Variants in CHCHD2 observed in about 807,000 individuals in gnomAD.
CHCHD2 encodes coiled-coil-helix-coiled-coil-helix domain-containing protein 2.
In CHCHD2, 17 loss-of-function variants were observed where a neutral mutation model predicts 17.5. That is an observed-to-expected ratio of 0.97 (90% CI 0.67 to 1.46). The LOEUF is 1.46. Among genes scored for constraint, CHCHD2 ranks in the 40% most tolerant of loss-of-function variants. The pLI, the probability that CHCHD2 is intolerant of heterozygous loss-of-function variation, is 0.00. For synonymous variants in CHCHD2, 63 were observed against 74.3 expected, an observed-to-expected ratio of 0.85 and a Z score of 0.78; for missense variants, 175 against 199.9, an observed-to-expected ratio of 0.88 and a Z score of 0.75.
At chr7:56,104,010 TCTCCTCC>T (rs1785334793) in intron 2 of CHCHD2, among the ~76,000 whole-genome samples, 1 of 152,180 alleles carries the variant, frequency 6.6e-6, no homozygotes, top group Non-Finnish European at 1.5e-5. Flanking sequence ...CTGTTGTAAG[TCTCCTCC>T]TTGGGAAGAA....
Position 56,102,905 on chromosome 7 carries a change from C to T in CHCHD2, c.407G>A (p.Gly136Asp), listed in dbSNP as rs771587952. ...QNQGDIKLCEGFNEVLKQCRL... is the reference protein window; with the variant it reads ...QNQGDIKLCEDFNEVLKQCRL... ...GCACTGTTTCAGCACCTCATTGAAA[C>T]CCTCACAGAGCTTGATGTCACCCTG... The change falls in exon 3 of 4, where the codon GGT (glycine) becomes GAT (aspartate). Residue 136 changes from glycine (G) to aspartate (D), a missense_variant. Coordinates refer to ENST00000395422, the MANE Select transcript of CHCHD2 (RefSeq NM_016139.4). 1.2e-6 allele frequency: 2 copies of T among 1,614,066 alleles called. No homozygotes were observed. The highest frequency in any genetic ancestry group is 1.7e-6 in the Non-Finnish European group (2 of 1,179,944).
At chr7:56,106,268 C>T in intron 1 of CHCHD2, 96 bp downstream of exon 1, 1 of 1,220,158 alleles carries the variant, frequency 8.2e-7, no homozygotes. Context: ...CCGCAGCCGA[C>T]CTTAGTTCAC....
intron 3 of CHCHD2, 168 bp downstream of exon 3, chr7:56,102,699 T>G: frequency 4.3e-6 from 3 of 690,678 alleles, no homozygotes; most frequent in Admixed American, 2.9e-5. Context: ...ATTCAGAAAA[T>G]TACTCATAAA....
Position 56,102,974 on chromosome 7 carries a change from G to GGCT in CHCHD2, c.335_337dup (p.Gln112dup), listed in dbSNP as rs748437721. The GGCT allele has an allele frequency of 5.6e-6, 9 of 1,614,200 alleles. No individual in the cohort carries two copies. Among genetic ancestry groups the GGCT allele is most frequent in the Non-Finnish European group, 7.6e-6 (9 of 1,180,016 alleles). On this transcript the variant is annotated inframe_insertion, in exon 3 of 4. Coordinates refer to ENST00000395422, the MANE Select transcript of CHCHD2 (RefSeq NM_016139.4). ...AAACTGTTTGATCTCATAGAGGCAA[G>GGCT]GCTGCTGCTGCTGTGCTGGCTGGGT...
chr7:56,102,970 G>C lies in CHCHD2; in HGVS notation c.342C>G (p.Cys114Trp). 1.9e-6 allele frequency: 3 copies of C among 1,614,166 alleles called. No homozygotes were observed. The highest frequency in any genetic ancestry group is 2.5e-6 in the Non-Finnish European group (3 of 1,180,024). ...CCAGAAACTGTTTGATCTCATAGAG[G>C]CAAGGCTGCTGCTGCTGTGCTGGCT... ...GTQPAQQQQPCLYEIKQFLEC... is the reference protein window; with the variant it reads ...GTQPAQQQQPWLYEIKQFLEC... The change falls in exon 3 of 4, where the codon TGC becomes TGG. Residue 114 changes from cysteine (C) to tryptophan (W), a missense_variant. Coordinates refer to ENST00000395422, the MANE Select transcript of CHCHD2 (RefSeq NM_016139.4).
chr7:56,103,584 G>A (rs563687467), intron 2 of CHCHD2, among the ~76,000 whole-genome samples: 50 of 152,240 alleles, frequency 3.3e-4, no homozygotes, highest in African/African-American at 1.1e-3. Flanking sequence ...ATGAGCCTCC[G>A]TTCCCAGCCA....
chr7:56,103,878 G>T (rs1785331266), intron 2 of CHCHD2, among the ~76,000 whole-genome samples: 1 of 152,194 alleles, frequency 6.6e-6, no homozygotes, highest in African/African-American at 2.4e-5. Context: ...TCACGTAAAA[G>T]AACACACAGC....
intron 2 of CHCHD2, among the ~76,000 whole-genome samples, chr7:56,103,356 T>G (rs890965483): frequency 6.6e-6 from 1 of 152,154 alleles, no homozygotes; most frequent in African/African-American, 2.4e-5. Context: ...AGCAGGCACC[T>G]GTAATCCCAG....
At position 56,103,145 on chromosome 7, in the gene CHCHD2, T is replaced by C. The variant is rs1015513211; in HGVS notation, c.301-134A>G. The C allele has an allele frequency of 9.7e-6, 8 of 827,812 alleles. No individual in the cohort carries two copies. The Admixed American group carries it at 1.3e-4, about 13-fold the overall frequency. 51.3% of individuals were successfully genotyped at this position (827,812 alleles called of 1,614,324 possible). A position where few individuals can be genotyped will look rare whatever the true frequency, so the allele number is the denominator to read the frequency against. Reference sequence around the variant, plus strand: ...AGATGCTAATTAAAGTTTCCAACTATTAACATGGGAAGTGAAAACATTTAA... The same window carrying C: ...AGATGCTAATTAAAGTTTCCAACTACTAACATGGGAAGTGAAAACATTTAA... On this transcript the variant is annotated intron_variant, in intron 2 of 3. Coordinates refer to ENST00000395422, the MANE Select transcript of CHCHD2 (RefSeq NM_016139.4).
At chr7:56,101,953 G>T in intron 3 of CHCHD2, 92 bp from the exon 4 acceptor site, 1 of 1,253,216 alleles carries the variant, frequency 8.0e-7, no homozygotes, top group Non-Finnish European at 1.1e-6. Flanking sequence ...GCGACAAAAG[G>T]CCAAGGCTAT....
At position 56,104,622 on chromosome 7, in the gene CHCHD2, T is replaced by C. The variant is rs900503890; in HGVS notation, c.51-147A>G. On this transcript the variant is annotated intron_variant, in intron 1 of 3. Coordinates refer to ENST00000395422, the MANE Select transcript of CHCHD2 (RefSeq NM_016139.4). Reference sequence around the variant, plus strand: ...ATTTTCTCTCTTCAATTTTTTTTTTTTTGAGATGGAGCTTCGCTCTTGTTG... The same window carrying C: ...ATTTTCTCTCTTCAATTTTTTTTTTCTTGAGATGGAGCTTCGCTCTTGTTG... The C allele has an allele frequency of 6.0e-6, 6 of 999,432 alleles. No homozygotes were observed. In the East Asian group the frequency reaches 1.3e-4, roughly 22 times the overall value. The allele number at this position is 999,432 out of a possible 1,614,324, so 61.9% of individuals were successfully genotyped here. A position where few individuals can be genotyped will look rare whatever the true frequency, so the allele number is the denominator to read the frequency against.
At chr7:56,103,308 C>T (rs972094713) in intron 2 of CHCHD2, among the ~76,000 whole-genome samples, 7 of 152,126 alleles carry the variant, frequency 4.6e-5, no homozygotes, top group African/African-American at 7.2e-5. Flanking sequence ...GGTGAAACCC[C>T]GTCCCTACTA....
intron 3 of CHCHD2, 74 bp from the exon 4 acceptor site, chr7:56,101,935 T>C (rs1034500670): frequency 9.6e-6 from 14 of 1,453,672 alleles, no homozygotes; most frequent in South Asian, 6.1e-5. Context: ...TTCCAAATTA[T>C]GAAAGCAGCG....
At position 56,104,349 on chromosome 7, in the gene CHCHD2, C is replaced by T; in HGVS notation, c.177G>A (p.Met59Ile). 1 of 1,613,448 alleles carries T rather than the reference C, an allele frequency of 6.2e-7. No homozygotes were observed. Among genetic ancestry groups the T allele is most frequent in the Non-Finnish European group, 8.5e-7 (1 of 1,179,684 alleles). Residue 59 changes from methionine (M) to isoleucine (I), a missense_variant, in exon 2 of 4, where the codon ATG (methionine) becomes ATA (isoleucine). By Grantham distance (10) the Met-to-Ile change is conservative (BLOSUM62 1). Coordinates refer to ENST00000395422, the MANE Select transcript of CHCHD2 (RefSeq NM_016139.4). ...APRQPGLMAQ[M>I]ATTAAGVAVG... ...CAGCCACGCCAGCTGCAGTGGTTGCCATCTGGGCCATCAGACCTGGCTGCC... is the reference window on the plus strand; with the variant it reads ...CAGCCACGCCAGCTGCAGTGGTTGCTATCTGGGCCATCAGACCTGGCTGCC...
chr7:56,106,082 T>A (rs1785378337), intron 1 of CHCHD2, among the ~76,000 whole-genome samples: 1 of 152,218 alleles, frequency 6.6e-6, no homozygotes, highest in Non-Finnish European at 1.5e-5. Context: ...TTGGGTGCTC[T>A]TTTCCCCGAA....
chr7:56,103,092 G>A lies in CHCHD2; in HGVS notation c.301-81C>T, dbSNP rs1400506219. 2.8e-6 allele frequency: 4 copies of A among 1,443,894 alleles called. No individual in the cohort carries two copies. In the African/African-American group the frequency reaches 5.6e-5, roughly 20 times the overall value. 89.4% of individuals were successfully genotyped at this position (1,443,894 alleles called of 1,614,324 possible). Reference sequence around the variant, plus strand: ...ACAATGAAGAGTATCCATCCTCTTTGAGGTTAATGGAAAATGGAACTAGCA... The same window carrying A: ...ACAATGAAGAGTATCCATCCTCTTTAAGGTTAATGGAAAATGGAACTAGCA... On this transcript the variant is annotated intron_variant, in intron 2 of 3. Coordinates refer to ENST00000395422, the MANE Select transcript of CHCHD2 (RefSeq NM_016139.4).
intron 2 of CHCHD2, 146 bp from the exon 3 acceptor site, chr7:56,103,157 G>T: frequency 1.3e-6 from 1 of 772,970 alleles, no homozygotes; most frequent in Non-Finnish European, 2.1e-6. Context: ...AACATGGGAA[G>T]TGAAAACATT....
At chr7:56,104,902 G>A (rs1048502251) in intron 1 of CHCHD2, among the ~76,000 whole-genome samples, 81 of 150,136 alleles carry the variant, frequency 5.4e-4, no homozygotes, top group African/African-American at 1.9e-3. Context: ...GAACCACCAC[G>A]CACGGCCTAA....
chr7:56,101,907 C>A (rs745402805), intron 3 of CHCHD2, 46 bp from the exon 4 acceptor site: 1 of 1,582,410 alleles, frequency 6.3e-7, no homozygotes, highest in Non-Finnish European at 8.6e-7. Flanking sequence ...GCTTCGTATA[C>A]TCAATAAAAC....
Sources: gnomAD v4.1 joint callset for allele counts (sites outside exome capture counted in the v4.1 genomes callset) on GRCh38, gnomAD v4.1.1 for gene constraint, MANE v1.5 for transcripts, NCBI Gene and HGNC (gene_info 2026-07-23, HGNC 2026-07-21) for gene names.